SGPL1: variants seen among roughly 807,000 people sequenced by gnomAD.
The protein encoded by SGPL1 is sphingosine-1-phosphate lyase 1.
Under a neutral mutation model 68.9 loss-of-function variants are expected in SGPL1, and 37 were observed. The observed-to-expected ratio is 0.54, with a 90% CI of 0.41 to 0.71. SGPL1 has a LOEUF of 0.71. Ranked by LOEUF, SGPL1 falls within the 30% of genes least tolerant of loss-of-function variation. The probability of loss-of-function intolerance (pLI) is 0.00; values close to 1 mark genes in which losing one functional copy is unlikely to be tolerated. For missense variants in SGPL1, 551 were observed against 704.6 expected (o/e 0.78, Z 2.47); for synonymous variants, 236 against 248.5 (o/e 0.95, Z 0.47).
chr10:70,844,084 G>A (rs138891264), intron 2 of SGPL1, among the ~76,000 whole-genome samples: 99 of 152,312 alleles, frequency 6.5e-4, no homozygotes, highest in Middle Eastern at 3.4e-3. Flanking sequence ...TACTGGGGTA[G>A]AGAATAGGAA....
chr10:70,827,379 A>G (rs1203781933), intron 2 of SGPL1, among the ~76,000 whole-genome samples: 1 of 152,166 alleles, frequency 6.6e-6, no homozygotes, highest in Non-Finnish European at 1.5e-5. Context: ...TTCTATTATT[A>G]ATAGATTTTG....
At chr10:70,828,570 G>T (rs1287410955) in intron 2 of SGPL1, among the ~76,000 whole-genome samples, 1 of 152,138 alleles carries the variant, frequency 6.6e-6, no homozygotes, top group Non-Finnish European at 1.5e-5. Flanking sequence ...CTGCATTCTT[G>T]TTTATCTAGT....
Position 70,876,677 on chromosome 10 carries a change from G to GT in SGPL1, c.1566+24dup, listed in dbSNP as rs758364983. 1.3e-5 allele frequency: 20 copies of GT among 1,591,768 alleles called. No individual in the cohort carries two copies. Among genetic ancestry groups the GT allele is most frequent in the Middle Eastern group, 1.7e-4 (1 of 5,980 alleles). On this transcript the variant is annotated intron_variant, in intron 14 of 14. Coordinates refer to ENST00000373202, the MANE Select transcript of SGPL1 (RefSeq NM_003901.4). ...CACAGGAATGGTAGGGACACTTGGA[G>GT]TTTTTTTTCTTCTCTTGGAAATTTA...
At chr10:70,828,044 A>G (rs1335079070) in intron 2 of SGPL1, among the ~76,000 whole-genome samples, 1 of 152,238 alleles carries the variant, frequency 6.6e-6, no homozygotes, top group Non-Finnish European at 1.5e-5. Flanking sequence ...GTTGTAGAAC[A>G]TTTATGTTTC....
Position 70,869,898 on chromosome 10 carries a change from G to T in SGPL1, c.810+1G>T. ...GAAGATGATGGAGGTGGATGTGCGG[G>T]TGAGTCCCTCTGGAGGGCCCACTGT... On this transcript the variant is annotated splice_donor_variant, in intron 9 of 14. Coordinates refer to ENST00000373202, the MANE Select transcript of SGPL1 (RefSeq NM_003901.4). LOFTEE classifies it high-confidence loss of function. 6.2e-7 allele frequency: 1 copy of T among 1,613,136 alleles called. No individual in the cohort carries two copies. The highest frequency in any genetic ancestry group is 8.5e-7 in the Non-Finnish European group (1 of 1,179,304).
intron 2 of SGPL1, among the ~76,000 whole-genome samples, chr10:70,822,756 A>T (rs953969148): frequency 6.6e-6 from 1 of 151,420 alleles, no homozygotes; most frequent in Non-Finnish European, 1.5e-5. Flanking sequence ...TAGGTGAAAC[A>T]TCTAAGGGCT....
chr10:70,817,159 A>T (rs992668309), intron 2 of SGPL1, among the ~76,000 whole-genome samples: 5 of 152,140 alleles, frequency 3.3e-5, no homozygotes, highest in Admixed American at 3.3e-4. Context: ...AGCTGGGATT[A>T]CAGGCGCACG....
Position 70,837,407 on chromosome 10 carries a change from T to C in SGPL1, c.28-7066T>C, listed in dbSNP as rs117208230. On this transcript the variant is annotated intron_variant, in intron 2 of 14. Coordinates refer to ENST00000373202, the MANE Select transcript of SGPL1 (RefSeq NM_003901.4). ...TAAAAAGTTAATACTTTTTAAGTGC[T>C]TCACTCTTTCCTGTGCATGTTGTCT... is the stretch of plus-strand genomic sequence containing the variant. 7.0e-3 allele frequency among the ~76,000 whole-genome samples: 1,074 copies of C among 152,356 alleles called. 9 individuals carry two copies. The highest frequency in any genetic ancestry group is 0.013 in the Non-Finnish European group (860 of 68,038).
chr10:70,879,950 A>C lies in SGPL1; in HGVS notation c.*2615A>C, dbSNP rs752978334. The C allele has an allele frequency of 1.3e-5, 2 of 152,606 alleles. No homozygotes were observed. The highest frequency in any genetic ancestry group is 2.9e-5 in the Non-Finnish European group (2 of 68,040). 9.5% of individuals were successfully genotyped at this position (152,606 alleles called of 1,614,324 possible). On this transcript the variant is annotated 3_prime_UTR_variant, in exon 15 of 15. Coordinates refer to ENST00000373202, the MANE Select transcript of SGPL1 (RefSeq NM_003901.4). ...TAAGTAGTCATGTGAATATACTGCT[A>C]TGTCACTTTTAATATTACGAGTTTT...
chr10:70,851,068 C>T, intron 3 of SGPL1, 75 bp from the exon 4 acceptor site: 2 of 1,126,488 alleles, frequency 1.8e-6, no homozygotes, highest in Non-Finnish European at 2.7e-6. Flanking sequence ...GTGGAAGACA[C>T]ATTGAATGGT....
intron 2 of SGPL1, among the ~76,000 whole-genome samples, chr10:70,836,225 G>A (rs1200622274): frequency 2.0e-5 from 3 of 152,196 alleles, no homozygotes; most frequent in Non-Finnish European, 4.4e-5. Context: ...AGTAAAGAGA[G>A]AATACATTGG....
chr10:70,852,908 A>G (rs1213134895), intron 4 of SGPL1, among the ~76,000 whole-genome samples: 1 of 152,218 alleles, frequency 6.6e-6, no homozygotes, highest in African/African-American at 2.4e-5. Context: ...AGAAGTAAAC[A>G]AATATGTGGA....
rs141467553 is a variant in SGPL1, at chr10:70,841,574, A to T, written c.28-2899A>T. 2.2e-3 allele frequency among the ~76,000 whole-genome samples: 334 copies of T among 152,192 alleles called. 1 individual carries two copies. Among genetic ancestry groups the T allele is most frequent in the African/African-American group, 7.8e-3 (326 of 41,538 alleles). On this transcript the variant is annotated intron_variant, in intron 2 of 14. Transcript: ENST00000373202. ...TGGGGGTCTCTTTTATAAAGTCACTAATCTTATTCACGAGGCCTCTGCCTT... is the reference window on the plus strand; with the variant it reads ...TGGGGGTCTCTTTTATAAAGTCACTTATCTTATTCACGAGGCCTCTGCCTT...
rs574582846 is a variant in SGPL1 at position 70,854,395 on chromosome 10, G to A, written c.262-313G>A. Among the ~76,000 whole-genome samples, 11 of 152,058 alleles carry A rather than the reference G, an allele frequency of 7.2e-5. No homozygotes were observed. In the East Asian group the frequency reaches 1.9e-3, roughly 27 times the overall value. On this transcript the variant is annotated intron_variant, in intron 4 of 14. Coordinates refer to ENST00000373202, the MANE Select transcript of SGPL1 (RefSeq NM_003901.4). ...TCACCATGTTGGCCAGGCTGGTCTCGAACTCCTGACCTGTAATGATCTGCC... is the reference window on the plus strand; with the variant it reads ...TCACCATGTTGGCCAGGCTGGTCTCAAACTCCTGACCTGTAATGATCTGCC...
intron 6 of SGPL1, 39 bp downstream of exon 6, chr10:70,857,729 T>A (rs1347790373): frequency 2.8e-6 from 4 of 1,422,602 alleles, no homozygotes. Flanking sequence ...GTGAGGTCTG[T>A]GCCAGTTTAC....
intron 2 of SGPL1, among the ~76,000 whole-genome samples, chr10:70,825,295 C>G (rs149413566): frequency 5.9e-5 from 9 of 152,258 alleles, no homozygotes; most frequent in African/African-American, 2.2e-4. Context: ...TGGTCTAATA[C>G]AACTGGAAAC....
At chr10:70,837,406 C>T (rs1488058992) in intron 2 of SGPL1, among the ~76,000 whole-genome samples, 1 of 152,134 alleles carries the variant, frequency 6.6e-6, no homozygotes, top group African/African-American at 2.4e-5. Flanking sequence ...TTTTTAAGTG[C>T]TTCACTCTTT....
At chr10:70,861,085 A>G (rs1434507137) in intron 7 of SGPL1, among the ~76,000 whole-genome samples, 1 of 144,484 alleles carries the variant, frequency 6.9e-6, no homozygotes, top group African/African-American at 2.6e-5. Context: ...CACTTTGTCC[A>G]TTTCCTGCTC....
chr10:70,862,931 A>G (rs1434720176), intron 7 of SGPL1, among the ~76,000 whole-genome samples: 1 of 152,158 alleles, frequency 6.6e-6, no homozygotes, highest in South Asian at 2.1e-4. Context: ...GGGCTTTTCA[A>G]TTTTATTTAC....
Sources: allele counts gnomAD v4.1 joint callset (sites outside exome capture counted in the v4.1 genomes callset), GRCh38; gene constraint gnomAD v4.1.1; transcripts MANE v1.5; gene names NCBI Gene and HGNC (gene_info 2026-07-23, HGNC 2026-07-21).